CSMD1: variants seen among roughly 807,000 people sequenced by gnomAD.
The protein encoded by CSMD1 is CUB and Sushi multiple domains 1.
In CSMD1, 213 loss-of-function variants were observed where a neutral mutation model predicts 417.5. The observed-to-expected ratio is 0.51, with a 90% CI of 0.46 to 0.57. The LOEUF (loss-of-function observed/expected upper bound fraction) is 0.57, where lower values mean the gene tolerates loss of function less well. CSMD1 is among the 20% of genes least tolerant of loss of function. CSMD1 has a pLI of 0.00. For missense variants in CSMD1, 6,923 were observed against 4,529.7 expected (o/e 1.53, Z -15.17); for synonymous variants, 2,862 against 1,736.8 (o/e 1.65, Z -16.11).
In CSMD1 at chr8:3,879,209, T is replaced by C. The variant is rs142129558; in HGVS notation, c.818+118694A>G. On this transcript the variant is annotated intron_variant, in intron 5 of 69. Transcript: ENST00000635120. ...GCACACTTCTCTTTGCCTAGAAATA[T>C]ACAGGTATGTATTTATACACTATAC... 4.3e-4 allele frequency among the ~76,000 whole-genome samples: 65 copies of C among 152,292 alleles called. No homozygotes were observed. In the East Asian group the frequency reaches 0.011, roughly 26 times the overall value.
At chr8:3,831,598 C>G (rs137949271) in intron 5 of CSMD1, among the ~76,000 whole-genome samples, 1 of 152,156 alleles carries the variant, frequency 6.6e-6, no homozygotes, top group East Asian at 1.9e-4. Context: ...AATGTCCTCT[C>G]TAATATTATA....
intron 10 of CSMD1, among the ~76,000 whole-genome samples, chr8:3,504,758 T>C (rs1796752857): frequency 6.6e-6 from 1 of 152,178 alleles, no homozygotes; most frequent in Non-Finnish European, 1.5e-5. Flanking sequence ...CTCTTAAGTG[T>C]GGTTTTCACA....
intron 8 of CSMD1, among the ~76,000 whole-genome samples, chr8:3,599,921 G>A (rs1053907948): frequency 3.3e-5 from 5 of 152,106 alleles, no homozygotes; most frequent in East Asian, 1.9e-4. Context: ...GCAACATTTC[G>A]GCACAGCAGG....
At chr8:4,434,722 G>C (rs1213754094) in intron 2 of CSMD1, among the ~76,000 whole-genome samples, 1 of 152,108 alleles carries the variant, frequency 6.6e-6, no homozygotes, top group African/African-American at 2.4e-5. Flanking sequence ...CCCTGACAGT[G>C]CTCATCCGGT....
intron 50 of CSMD1, among the ~76,000 whole-genome samples, chr8:3,040,283 TA>T (rs1810998005): frequency 6.6e-6 from 1 of 151,840 alleles, no homozygotes; most frequent in Non-Finnish European, 1.5e-5. Context: ...ACCTGGCTAC[TA>T]TTAAGTAATA....
intron 1 of CSMD1, among the ~76,000 whole-genome samples, chr8:4,963,795 A>C (rs1809674118): frequency 6.6e-6 from 1 of 152,182 alleles, no homozygotes. Flanking sequence ...TCAAAATGGT[A>C]AGCAATAGAA....
chr8:2,983,687 C>T (rs1308641538), intron 54 of CSMD1, among the ~76,000 whole-genome samples: 1 of 152,162 alleles, frequency 6.6e-6, no homozygotes. Context: ...TTGGCATCAG[C>T]ACTCTTTCCT....
At chr8:3,837,956 T>C (rs1388748861) in intron 5 of CSMD1, among the ~76,000 whole-genome samples, 1 of 152,178 alleles carries the variant, frequency 6.6e-6, no homozygotes, top group Non-Finnish European at 1.5e-5. Flanking sequence ...ATTTATTTCT[T>C]ATTTTTCATG....
intron 38 of CSMD1, among the ~76,000 whole-genome samples, chr8:3,159,323 C>G (rs926372529): frequency 2.6e-5 from 4 of 152,034 alleles, no homozygotes; most frequent in African/African-American, 9.7e-5. Context: ...AAGATAGGAC[C>G]CTGTGCATTT....
At chr8:3,283,237 A>C (rs1802874413) in intron 26 of CSMD1, among the ~76,000 whole-genome samples, 2 of 152,086 alleles carry the variant, frequency 1.3e-5, no homozygotes, top group Admixed American at 6.6e-5. Flanking sequence ...GCAGAGAATC[A>C]AAGCGTGTTT....
At chr8:4,787,107 C>A (rs572113411) in intron 1 of CSMD1, among the ~76,000 whole-genome samples, 1 of 152,192 alleles carries the variant, frequency 6.6e-6, no homozygotes. Context: ...TACTCGGCCT[C>A]CGCTGGCTCA....
chr8:3,497,785 C>A (rs1356494390), intron 10 of CSMD1, among the ~76,000 whole-genome samples: 1 of 152,098 alleles, frequency 6.6e-6, no homozygotes, highest in East Asian at 1.9e-4. Context: ...TTTTGCACAT[C>A]CTCTATTCCA....
intron 1 of CSMD1, among the ~76,000 whole-genome samples, chr8:4,760,817 GC>G (rs1486066537): frequency 1.9e-4 from 29 of 152,172 alleles, no homozygotes; most frequent in African/African-American, 7.0e-4. Context: ...AAGATCTGCT[GC>G]ATTAGGAAGG....
chr8:4,360,703 C>A (rs1801706480), intron 3 of CSMD1, among the ~76,000 whole-genome samples: 1 of 152,086 alleles, frequency 6.6e-6, no homozygotes, highest in African/African-American at 2.4e-5. Context: ...ACATCTTAGC[C>A]AGGATGGTCT....
chr8:2,939,742 G>C (rs916878240), intron 69 of CSMD1, among the ~76,000 whole-genome samples: 1 of 152,352 alleles, frequency 6.6e-6, no homozygotes, highest in Middle Eastern at 3.4e-3. Flanking sequence ...ATGGCTCTGA[G>C]AAAAAGGCAG....
intron 5 of CSMD1, among the ~76,000 whole-genome samples, chr8:3,917,813 T>C (rs1808930647): frequency 6.6e-6 from 1 of 152,128 alleles, no homozygotes; most frequent in Non-Finnish European, 1.5e-5. Context: ...TTAGCAATAT[T>C]AGTTGTGTGT....
At chr8:3,105,731 T>C (rs942513364) in intron 46 of CSMD1, among the ~76,000 whole-genome samples, 2 of 152,238 alleles carry the variant, frequency 1.3e-5, no homozygotes, top group Non-Finnish European at 2.9e-5. Context: ...GCTAATTATA[T>C]GCATGCTGAG....
chr8:3,320,534 T>G (rs1041309208), intron 23 of CSMD1, among the ~76,000 whole-genome samples: 1 of 152,208 alleles, frequency 6.6e-6, no homozygotes, highest in East Asian at 1.9e-4. Flanking sequence ...TTTTTTATTC[T>G]ACAACTAATA....
At position 3,338,032 on chromosome 8, in the gene CSMD1, C is replaced by T. The variant is rs894904810; in HGVS notation, c.3631+5262G>A. Among the ~76,000 whole-genome samples the T allele has an allele frequency of 6.6e-5, 10 of 152,122 alleles. No individual in the cohort carries two copies. The East Asian group carries it at 9.7e-4, about 15-fold the overall frequency. ...TTGGCAGATGCTTTTATTTCCCAAG[C>T]GATATCATTCATGAAACTTAATGCC... On this transcript the variant is annotated intron_variant, in intron 23 of 69. Coordinates refer to ENST00000635120, the MANE Select transcript of CSMD1 (RefSeq NM_033225.6).
Sources: gnomAD v4.1 joint callset for allele counts (sites outside exome capture counted in the v4.1 genomes callset) on GRCh38, gnomAD v4.1.1 for gene constraint, MANE v1.5 for transcripts, NCBI Gene and HGNC (gene_info 2026-07-23, HGNC 2026-07-21) for gene names.